LRRTM4: variants seen among roughly 807,000 people sequenced by gnomAD.
LRRTM4 encodes the protein leucine rich repeat transmembrane neuronal 4.
A neutral mutation model predicts 47.6 loss-of-function variants in LRRTM4; 25 were observed. The observed-to-expected ratio is 0.53, with a 90% CI of 0.38 to 0.73. The LOEUF (loss-of-function observed/expected upper bound fraction) is 0.73, where lower values mean the gene tolerates loss of function less well. LRRTM4 is among the 30% of genes least tolerant of loss of function. The probability of loss-of-function intolerance (pLI) is 0.00; values close to 1 mark genes in which losing one functional copy is unlikely to be tolerated. For synonymous variants in LRRTM4, 311 were observed against 269.5 expected (o/e 1.15, Z -1.51); for missense variants, 638 against 713.4 (o/e 0.89, Z 1.20).
intron 3 of LRRTM4, among the ~76,000 whole-genome samples, chr2:77,124,364 G>T (rs1055028164): frequency 6.6e-6 from 1 of 152,062 alleles, no homozygotes; most frequent in African/African-American, 2.4e-5. Flanking sequence ...AAAATGACAT[G>T]ACTTTCTCTA....
intron 3 of LRRTM4, among the ~76,000 whole-genome samples, chr2:76,968,197 T>C (rs183245631): frequency 6.6e-6 from 1 of 151,048 alleles, no homozygotes; most frequent in Non-Finnish European, 1.5e-5. Context: ...ATAAAATCTG[T>C]TTAATTCAGT....
At chr2:77,364,565 TTGCA>T (rs1672366806) in intron 3 of LRRTM4, among the ~76,000 whole-genome samples, 1 of 152,020 alleles carries the variant, frequency 6.6e-6, no homozygotes, top group Non-Finnish European at 1.5e-5. Flanking sequence ...TGAATTCCTA[TTGCA>T]TCCTCTATAA....
At chr2:77,184,661 G>T (rs997666623) in intron 3 of LRRTM4, among the ~76,000 whole-genome samples, 3 of 151,864 alleles carry the variant, frequency 2.0e-5, no homozygotes, top group Admixed American at 6.6e-5. Context: ...TACTCTATTC[G>T]CCTCTGATCC....
chr2:77,510,219 AATTT>A (rs1678930664), intron 3 of LRRTM4, among the ~76,000 whole-genome samples: 1 of 152,142 alleles, frequency 6.6e-6, no homozygotes, highest in Non-Finnish European at 1.5e-5. Context: ...TTTGAAAATA[AATTT>A]ATTTAATATG....
chr2:76,801,952 G>C (rs145167967), intron 3 of LRRTM4, among the ~76,000 whole-genome samples: 204 of 152,166 alleles, frequency 1.3e-3, no homozygotes, highest in African/African-American at 4.7e-3. Context: ...TGAGAAATTA[G>C]ATATAGAAGG....
chr2:76,940,096 C>G (rs983590332), intron 3 of LRRTM4, among the ~76,000 whole-genome samples: 16 of 152,070 alleles, frequency 1.1e-4, no homozygotes, highest in Admixed American at 9.8e-4. Context: ...CCTCAAAGAG[C>G]TGAAAACAGA....
At chr2:77,423,745 A>T (rs1674995777) in intron 3 of LRRTM4, among the ~76,000 whole-genome samples, 1 of 152,212 alleles carries the variant, frequency 6.6e-6, no homozygotes, top group African/African-American at 2.4e-5. Flanking sequence ...TTGCAAAGTC[A>T]TGCCTGACTA....
At chr2:76,931,065 G>A (rs996461231) in intron 3 of LRRTM4, among the ~76,000 whole-genome samples, 2 of 151,824 alleles carry the variant, frequency 1.3e-5, no homozygotes, top group Non-Finnish European at 2.9e-5. Context: ...TTTTACAGCA[G>A]TTATCTTACC....
chr2:77,099,816 A>G (rs914305947), intron 3 of LRRTM4, among the ~76,000 whole-genome samples: 2 of 152,148 alleles, frequency 1.3e-5, no homozygotes, highest in Non-Finnish European at 2.9e-5. Context: ...ATTTGAATAT[A>G]ATAAAAATTA....
At chr2:76,949,776 A>C (rs1396750598) in intron 3 of LRRTM4, among the ~76,000 whole-genome samples, 1 of 151,980 alleles carries the variant, frequency 6.6e-6, no homozygotes, top group Non-Finnish European at 1.5e-5. Context: ...TTTAAATCAC[A>C]TTATTGATTT....
chr2:76,807,457 T>TATATATACAC (rs1553412656), intron 3 of LRRTM4, among the ~76,000 whole-genome samples: 6 of 94,210 alleles, frequency 6.4e-5, no homozygotes, highest in Middle Eastern at 6.2e-3. Context: ...TATATATATA[T>TATATATACAC]ACATATATAT....
At chr2:76,782,547 GT>G (rs1191315749) in intron 3 of LRRTM4, among the ~76,000 whole-genome samples, 2 of 152,192 alleles carry the variant, frequency 1.3e-5, no homozygotes, top group Admixed American at 1.3e-4. Context: ...ATAAATTGCT[GT>G]TGGTAATTTT....
intron 3 of LRRTM4, among the ~76,000 whole-genome samples, chr2:77,436,897 C>T (rs909811146): frequency 1.3e-5 from 2 of 151,762 alleles, no homozygotes; most frequent in African/African-American, 4.8e-5. Context: ...ACCCACAGTC[C>T]ATTCTGAGTA....
intron 3 of LRRTM4, among the ~76,000 whole-genome samples, chr2:76,804,113 T>C (rs534211616): frequency 3.5e-4 from 53 of 152,158 alleles, no homozygotes; most frequent in Non-Finnish European, 6.2e-4. Context: ...GCCATTTTGC[T>C]GCAGTAAGTT....
At chr2:76,805,012 GA>G (rs1327198408) in intron 3 of LRRTM4, among the ~76,000 whole-genome samples, 1 of 152,064 alleles carries the variant, frequency 6.6e-6, no homozygotes, top group Non-Finnish European at 1.5e-5. Context: ...GCGGGAGATT[GA>G]CTATGACCTT....
At chr2:77,101,344 CCTT>C (rs1226474543) in intron 3 of LRRTM4, among the ~76,000 whole-genome samples, 4 of 152,060 alleles carry the variant, frequency 2.6e-5, no homozygotes, top group African/African-American at 7.2e-5. Context: ...TACCAGAAGT[CCTT>C]CTTATATGAA....
At chr2:77,351,821 A>AT (rs1000364378) in intron 3 of LRRTM4, among the ~76,000 whole-genome samples, 2 of 151,640 alleles carry the variant, frequency 1.3e-5, no homozygotes, top group African/African-American at 2.4e-5. Flanking sequence ...TATCACAAAC[A>AT]TTTTTTTCCT....
intron 3 of LRRTM4, among the ~76,000 whole-genome samples, chr2:77,049,441 C>T (rs954259916): frequency 7.3e-5 from 11 of 151,430 alleles, no homozygotes; most frequent in African/African-American, 1.5e-4. Context: ...TCTTCTGAGC[C>T]TTGCTAGCAT....
intron 3 of LRRTM4, chr2:77,517,587 T>C: frequency 1.0e-6 from 1 of 984,030 alleles, no homozygotes; most frequent in Non-Finnish European, 1.2e-6. Context: ...TAAAAACCTT[T>C]GAAATCGGAT....
Sources: allele counts gnomAD v4.1 joint callset (sites outside exome capture counted in the v4.1 genomes callset), GRCh38; gene constraint gnomAD v4.1.1; transcripts MANE v1.5; gene names NCBI Gene and HGNC (gene_info 2026-07-23, HGNC 2026-07-21).